Variants in CAPZB observed in about 807,000 individuals in gnomAD.
The protein encoded by CAPZB is F-actin-capping protein subunit beta.
CAPZB carries 2 observed loss-of-function variants against 38.1 expected under a neutral mutation model. That is an observed-to-expected ratio of 0.05 (90% CI 0.02 to 0.17). The LOEUF (loss-of-function observed/expected upper bound fraction) is 0.17. Among genes scored for constraint, CAPZB ranks in the 10% least tolerant of loss-of-function variants. The pLI is 1.00. For synonymous variants in CAPZB, 107 were observed against 127.4 expected, an observed-to-expected ratio of 0.84 and a Z score of 1.08; for missense variants, 161 against 334.2, an observed-to-expected ratio of 0.48 and a Z score of 4.04.
At chr1:19,438,327 C>A (rs1487084529) in intron 1 of CAPZB, among the ~76,000 whole-genome samples, 1 of 152,106 alleles carries the variant, frequency 6.6e-6, no homozygotes, top group African/African-American at 2.4e-5. Flanking sequence ...CAGCTACGTG[C>A]GGCTTAGCGT....
chr1:19,427,257 A>G (rs1282774616), intron 1 of CAPZB, among the ~76,000 whole-genome samples: 1 of 152,238 alleles, frequency 6.6e-6, no homozygotes, highest in African/African-American at 2.4e-5. Flanking sequence ...TGGTTAAGGC[A>G]GATTTGTGCT....
At chr1:19,347,702 AG>A (rs1460218999) in intron 6 of CAPZB, among the ~76,000 whole-genome samples, 1 of 152,232 alleles carries the variant, frequency 6.6e-6, no homozygotes, top group African/African-American at 2.4e-5. Context: ...AGATGGTCAC[AG>A]GGTTAATACG....
At chr1:19,420,798 A>C (rs1053706319) in intron 1 of CAPZB, among the ~76,000 whole-genome samples, 2 of 152,184 alleles carry the variant, frequency 1.3e-5, no homozygotes, top group African/African-American at 4.8e-5. Context: ...TATGCTGCAA[A>C]TATTTACTCA....
At chr1:19,365,868 G>A (rs563385175) in intron 4 of CAPZB, among the ~76,000 whole-genome samples, 7 of 151,960 alleles carry the variant, frequency 4.6e-5, no homozygotes, top group Non-Finnish European at 1.0e-4. Context: ...AGATGGAAAC[G>A]CCCACAGCCT....
At chr1:19,416,888 A>AAT (rs2094382242) in intron 2 of CAPZB, among the ~76,000 whole-genome samples, 5 of 144,032 alleles carry the variant, frequency 3.5e-5, no homozygotes, top group African/African-American at 1.3e-4. Flanking sequence ...AAAAAAAAAA[A>AAT]GTATGCTCTG....
chr1:19,389,260 C>T (rs2094219261), intron 2 of CAPZB, among the ~76,000 whole-genome samples: 2 of 152,154 alleles, frequency 1.3e-5, no homozygotes, highest in Admixed American at 1.3e-4. Flanking sequence ...AACAACCACA[C>T]GGTCCCATTC....
At chr1:19,365,298 T>C (rs1434913894) in intron 4 of CAPZB, among the ~76,000 whole-genome samples, 1 of 152,132 alleles carries the variant, frequency 6.6e-6, no homozygotes, top group South Asian at 2.1e-4. Context: ...TCTTTTGGGA[T>C]CCCGAAGCTG....
chr1:19,454,642 C>G (rs1207083684), intron 1 of CAPZB, among the ~76,000 whole-genome samples: 1 of 152,298 alleles, frequency 6.6e-6, no homozygotes, highest in East Asian at 1.9e-4. Context: ...AGCTGCCAAG[C>G]AGGAAATCTA....
chr1:19,466,344 A>C (rs933226327), intron 1 of CAPZB, among the ~76,000 whole-genome samples: 8 of 152,228 alleles, frequency 5.3e-5, no homozygotes, highest in African/African-American at 1.7e-4. Flanking sequence ...GCTAATAAAC[A>C]GTGAGAGCTG....
rs1427347227 is a variant in CAPZB at position 19,357,282 on chromosome 1, T to C, written c.471+140A>G. Reference sequence around the variant, plus strand: ...TACTGCAGACTTATCTTTATCCAAATGGCTTTGAGGCATTTCTCAGAATTA... The same window carrying C: ...TACTGCAGACTTATCTTTATCCAAACGGCTTTGAGGCATTTCTCAGAATTA... On this transcript the variant is annotated intron_variant, in intron 5 of 8. Coordinates refer to ENST00000264202, the MANE Select transcript of CAPZB (RefSeq NM_004930.5). The surrounding 1 kb of genome is among the most constrained non-coding windows in gnomAD (Gnocchi z 4.3). 1.4e-6 allele frequency: 1 copy of C among 714,290 alleles called. No individual in the cohort carries two copies. Among genetic ancestry groups the C allele is most frequent in the African/African-American group, 1.8e-5 (1 of 56,420 alleles). 44.2% of individuals were successfully genotyped at this position (714,290 alleles called of 1,614,324 possible). A position where few individuals can be genotyped will look rare whatever the true frequency, so the allele number is the denominator to read the frequency against.
intron 1 of CAPZB, among the ~76,000 whole-genome samples, chr1:19,460,999 T>C (rs1260706772): frequency 2.8e-5 from 4 of 143,722 alleles, no homozygotes; most frequent in African/African-American, 1.0e-4. Flanking sequence ...GAGCTCAGCC[T>C]CCCTCTCTCA....
At chr1:19,377,500 A>AC (rs1430141887) in intron 4 of CAPZB, among the ~76,000 whole-genome samples, 1 of 152,236 alleles carries the variant, frequency 6.6e-6, no homozygotes, top group Non-Finnish European at 1.5e-5. Context: ...ATATAATAGA[A>AC]CTACAGACTG....
At chr1:19,414,401 G>A (rs1301260234) in intron 2 of CAPZB, among the ~76,000 whole-genome samples, 1 of 152,146 alleles carries the variant, frequency 6.6e-6, no homozygotes, top group Non-Finnish European at 1.5e-5. Context: ...AAAAAATCAG[G>A]ATGTCTCTTC....
At chr1:19,368,165 G>C (rs2094100360) in intron 4 of CAPZB, among the ~76,000 whole-genome samples, 1 of 152,182 alleles carries the variant, frequency 6.6e-6, no homozygotes, top group African/African-American at 2.4e-5. Flanking sequence ...GAGAAGCAGG[G>C]ATCTGGGAGT....
chr1:19,342,917 G>C (rs2093939660), intron 8 of CAPZB: 1 of 1,108,492 alleles, frequency 9.0e-7, no homozygotes, highest in African/African-American at 1.5e-5. Flanking sequence ...ACGACGAGAA[G>C]CCAGGAACGC....
chr1:19,414,217 G>A (rs560713772), intron 2 of CAPZB, among the ~76,000 whole-genome samples: 64 of 152,270 alleles, frequency 4.2e-4, no homozygotes, highest in Non-Finnish European at 7.9e-4. Context: ...ATGCTGCCCC[G>A]ATGGGGGTGG....
intron 4 of CAPZB, among the ~76,000 whole-genome samples, chr1:19,367,620 G>A (rs2094096664): frequency 1.3e-5 from 2 of 152,142 alleles, no homozygotes; most frequent in Admixed American, 6.5e-5. Flanking sequence ...ACGGCCCAGA[G>A]GCTGCCCATG....
In CAPZB at chr1:19,485,454, G is replaced by GGCGGTC. The variant is rs2094648319; in HGVS notation, c.-22_-17dup. The GGCGGTC allele has an allele frequency of 1.6e-6, 2 of 1,230,872 alleles. No individual in the cohort carries two copies. Among genetic ancestry groups the GGCGGTC allele is most frequent in the Non-Finnish European group, 1.0e-6 (1 of 987,812 alleles). 76.2% of individuals were successfully genotyped at this position (1,230,872 alleles called of 1,614,324 possible). ...CCTTTACCATGGTGGCGGCGGCGGC[G>GGCGGTC]GCGGTCCCGGTCCCGGCGTCAGTGG... is the stretch of plus-strand genomic sequence containing the variant. On this transcript the variant is annotated 5_prime_UTR_variant, in exon 1 of 9. Coordinates refer to ENST00000264202, the MANE Select transcript of CAPZB (RefSeq NM_004930.5).
At chr1:19,342,955 A>C (rs1485165448) in intron 8 of CAPZB, 3 of 813,818 alleles carry the variant, frequency 3.7e-6, no homozygotes, top group Non-Finnish European at 6.4e-6. Context: ...GAGGAAATTC[A>C]GGGAGACCCA....
Sources: allele counts gnomAD v4.1 joint callset (sites outside exome capture counted in the v4.1 genomes callset), GRCh38; gene constraint gnomAD v4.1.1; non-coding constraint Gnocchi (gnomAD v3.1); transcripts MANE v1.5; gene names NCBI Gene and HGNC (gene_info 2026-07-23, HGNC 2026-07-21).